PDCD1LG2: variants seen among roughly 807,000 people sequenced by gnomAD.
The protein encoded by PDCD1LG2 is programmed cell death 1 ligand 2.
PDCD1LG2 carries 32 observed loss-of-function variants against 28.2 expected under a neutral mutation model. The observed-to-expected ratio is 1.13, with a 90% CI of 0.86 to 1.52. PDCD1LG2 has a LOEUF of 1.52. PDCD1LG2 is among the 40% of genes most tolerant of loss of function. The pLI is 0.00. For missense variants in PDCD1LG2, 385 were observed against 323.8 expected (o/e 1.19, Z -1.45); for synonymous variants, 116 against 120.2 (o/e 0.97, Z 0.23).
In PDCD1LG2 at chr9:5,534,906, G is replaced by C. The variant is rs773619331; in HGVS notation, c.217G>C (p.Ala73Pro). The C allele has an allele frequency of 6.2e-7, 1 of 1,614,158 alleles. No homozygotes were observed. The highest frequency in any genetic ancestry group is 1.7e-5 in the Admixed American group (1 of 60,022). Residue 73 changes from alanine (A) to proline (P), a missense_variant, in exon 3 of 7, where the codon GCC becomes CCC. Coordinates refer to ENST00000397747, the MANE Select transcript of PDCD1LG2 (RefSeq NM_025239.4). ...ENDTSPHRER[A>P]TLLEEQLPLG... is the part of the protein sequence containing the mutation. ...TGATACATCCCCACACCGTGAAAGA[G>C]CCACTTTGCTGGAGGAGCAGCTGCC...
chr9:5,561,788 A>G (rs965565000), intron 5 of PDCD1LG2, among the ~76,000 whole-genome samples: 1 of 152,200 alleles, frequency 6.6e-6, no homozygotes, highest in African/African-American at 2.4e-5. Flanking sequence ...CCAGACTCTA[A>G]GTGGCACAGC....
intron 3 of PDCD1LG2, 151 bp from the exon 4 acceptor site, chr9:5,549,184 A>G: frequency 1.4e-6 from 1 of 721,440 alleles, no homozygotes; most frequent in East Asian, 2.6e-5. Flanking sequence ...AAATAGCATG[A>G]TATCAGGGAT....
intron 6 of PDCD1LG2, among the ~76,000 whole-genome samples, chr9:5,567,152 T>C (rs1289662675): frequency 6.6e-6 from 1 of 152,204 alleles, no homozygotes; most frequent in Non-Finnish European, 1.5e-5. Flanking sequence ...ATAGGACTCT[T>C]CATCAGTCCT....
intron 4 of PDCD1LG2, among the ~76,000 whole-genome samples, chr9:5,550,750 G>T (rs1444085060): frequency 6.6e-6 from 1 of 151,652 alleles, no homozygotes; most frequent in Non-Finnish European, 1.5e-5. Flanking sequence ...CTGGAATGCA[G>T]TGGCACGATC....
intron 5 of PDCD1LG2, among the ~76,000 whole-genome samples, chr9:5,560,078 A>T (rs1314496466): frequency 6.6e-6 from 1 of 152,230 alleles, no homozygotes; most frequent in African/African-American, 2.4e-5. Context: ...CACACCCATT[A>T]CATTAAATCC....
intron 6 of PDCD1LG2, among the ~76,000 whole-genome samples, chr9:5,566,989 C>T (rs558945749): frequency 3.9e-5 from 6 of 152,154 alleles, no homozygotes; most frequent in African/African-American, 1.4e-4. Flanking sequence ...TCAAGTATTG[C>T]TTTTTACTTT....
chr9:5,552,573 C>A (rs759128800), intron 4 of PDCD1LG2, among the ~76,000 whole-genome samples: 1 of 152,104 alleles, frequency 6.6e-6, no homozygotes, highest in Non-Finnish European at 1.5e-5. Flanking sequence ...ACAGAACTAC[C>A]ACCATCAAGT....
rs915980570 is a variant in PDCD1LG2 at position 5,570,683 on chromosome 9, G to T, written c.*724G>T. On this transcript the variant is annotated 3_prime_UTR_variant, in exon 7 of 7. Transcript: ENST00000397747. Reference sequence around the variant, plus strand: ...TACATCTTTCCTTTAAAAATTATTGGTTTCTTTTTATTTGTTTTTACCTTA... The same window carrying T: ...TACATCTTTCCTTTAAAAATTATTGTTTTCTTTTTATTTGTTTTTACCTTA... 4.3e-6 allele frequency: 1 copy of T among 231,528 alleles called. No individual in the cohort carries two copies. The highest frequency in any genetic ancestry group is 8.5e-6 in the Non-Finnish European group (1 of 117,252). 14.3% of individuals were successfully genotyped at this position (231,528 alleles called of 1,614,324 possible).
intron 3 of PDCD1LG2, among the ~76,000 whole-genome samples, chr9:5,537,919 A>C (rs1244124062): frequency 6.6e-6 from 1 of 152,264 alleles, no homozygotes; most frequent in Admixed American, 6.5e-5. Context: ...CTGAACATTT[A>C]AAGCTTCATA....
intron 2 of PDCD1LG2, among the ~76,000 whole-genome samples, chr9:5,534,054 T>C (rs1820532762): frequency 6.6e-6 from 1 of 151,942 alleles, no homozygotes; most frequent in Non-Finnish European, 1.5e-5. Flanking sequence ...TGTGCAATCT[T>C]GGGCAAGTTA....
At position 5,570,160 on chromosome 9, in the gene PDCD1LG2, C is replaced by T. The variant is rs1173589757; in HGVS notation, c.*201C>T. On this transcript the variant is annotated 3_prime_UTR_variant, in exon 7 of 7. Transcript: ENST00000397747. ...ACTTGCCCCTTCACTGATCTGGACTCACCTCTGGAGCCTATGGCTTTAAGC... is the reference window on the plus strand; with the variant it reads ...ACTTGCCCCTTCACTGATCTGGACTTACCTCTGGAGCCTATGGCTTTAAGC... 1 of 669,094 alleles carries T rather than the reference C, an allele frequency of 1.5e-6. No homozygotes were observed. The highest frequency in any genetic ancestry group is 2.5e-5 in the East Asian group (1 of 39,728). 41.4% of individuals were successfully genotyped at this position (669,094 alleles called of 1,614,324 possible). A position where few individuals can be genotyped will look rare whatever the true frequency, so the allele number is the denominator to read the frequency against.
Position 5,557,642 on chromosome 9 carries a change from C to T in PDCD1LG2, c.656C>T (p.Pro219Leu), listed in dbSNP as rs2129921152. 6.2e-7 allele frequency: 1 copy of T among 1,614,014 alleles called. No individual in the cohort carries two copies. ...LQSQMEPRTH[P>L]TWLLHIFIPF... ...GGTCAGATGGAACCCAGGACCCATC[C>T]AACTTGGCTGCTTCACATTTTCATC... Residue 219 changes from proline to leucine, a missense_variant, in exon 5 of 7, where the codon CCA becomes CTA. Pro to Leu is a moderately conservative substitution (Grantham distance 98, BLOSUM62 -3). Transcript: ENST00000397747.
At chr9:5,563,461 T>G (rs1268606836) in intron 6 of PDCD1LG2, among the ~76,000 whole-genome samples, 2 of 152,290 alleles carry the variant, frequency 1.3e-5, no homozygotes, top group Non-Finnish European at 2.9e-5. Flanking sequence ...CTCACATAGT[T>G]AGAAACAGAG....
chr9:5,557,988 A>G (rs557595028), intron 5 of PDCD1LG2, among the ~76,000 whole-genome samples: 4 of 152,302 alleles, frequency 2.6e-5, no homozygotes, highest in African/African-American at 9.6e-5. Flanking sequence ...CTTATGTCTG[A>G]AAGAGTTTGT....
intron 1 of PDCD1LG2, among the ~76,000 whole-genome samples, chr9:5,512,077 T>C (rs961716436): frequency 2.0e-5 from 3 of 152,212 alleles, no homozygotes; most frequent in Admixed American, 2.0e-4. Flanking sequence ...AGAGACAGTA[T>C]TATGGGTCAT....
intron 4 of PDCD1LG2, among the ~76,000 whole-genome samples, chr9:5,557,259 G>A (rs988794356): frequency 6.9e-6 from 1 of 145,820 alleles, no homozygotes; most frequent in Non-Finnish European, 1.5e-5. Flanking sequence ...GATGATAGAT[G>A]GATGGATTGA....
At chr9:5,546,136 C>T (rs1240010780) in intron 3 of PDCD1LG2, among the ~76,000 whole-genome samples, 1 of 152,132 alleles carries the variant, frequency 6.6e-6, no homozygotes, top group Non-Finnish European at 1.5e-5. Flanking sequence ...TGGAAGAGCT[C>T]TCTCTCTGTC....
chr9:5,568,377 G>A (rs538122673), intron 6 of PDCD1LG2, among the ~76,000 whole-genome samples: 1 of 152,296 alleles, frequency 6.6e-6, no homozygotes, highest in South Asian at 2.1e-4. Flanking sequence ...GATTCTCATA[G>A]AAGCGTGAAT....
Position 5,548,436 on chromosome 9 carries a change from T to C in PDCD1LG2, c.362-899T>C, listed in dbSNP as rs756845938. On this transcript the variant is annotated intron_variant, in intron 3 of 6. Coordinates refer to ENST00000397747, the MANE Select transcript of PDCD1LG2 (RefSeq NM_025239.4). ...TTAGTTTGGTTCCACATCTTGGTTATTGTGAATCATGCTGAAATGAATAAA... is the reference window on the plus strand; with the variant it reads ...TTAGTTTGGTTCCACATCTTGGTTACTGTGAATCATGCTGAAATGAATAAA... Among the ~76,000 whole-genome samples the C allele has an allele frequency of 1.7e-4, 26 of 152,230 alleles. 1 individual carries two copies. The highest frequency in any genetic ancestry group is 4.1e-4 in the South Asian group (2 of 4,830).
Sources: allele counts gnomAD v4.1 joint callset (sites outside exome capture counted in the v4.1 genomes callset), GRCh38; gene constraint gnomAD v4.1.1; transcripts MANE v1.5; gene names NCBI Gene and HGNC (gene_info 2026-07-23, HGNC 2026-07-21).